The following NRXN1 variants were observed in gnomAD, a reference collection of about 807,000 sequenced individuals.
The protein encoded by NRXN1 is neurexin-1.
Under a neutral mutation model 150.9 loss-of-function variants are expected in NRXN1, and 39 were observed. That is an observed-to-expected ratio of 0.26 (90% confidence interval 0.20 to 0.34). NRXN1 has a LOEUF of 0.34. Among genes scored for constraint, NRXN1 ranks in the 10% least tolerant of loss-of-function variants. The pLI is 1.00. For missense variants in NRXN1, 1,815 were observed against 1,949.9 expected (o/e 0.93, Z 1.30); for synonymous variants, 924 against 757.0 (o/e 1.22, Z -3.62).
At chr2:50,967,145 T>A (rs1694236598) in intron 2 of NRXN1, among the ~76,000 whole-genome samples, 1 of 151,946 alleles carries the variant, frequency 6.6e-6, no homozygotes, top group African/African-American at 2.4e-5. Flanking sequence ...TCCATTTTAA[T>A]CCCACAATAG....
intron 18 of NRXN1, among the ~76,000 whole-genome samples, chr2:50,233,323 T>A (rs1251010746): frequency 6.6e-6 from 1 of 152,002 alleles, no homozygotes; most frequent in African/African-American, 2.4e-5. Flanking sequence ...AATCCATCTA[T>A]CAAAACTGGG....
intron 5 of NRXN1, among the ~76,000 whole-genome samples, chr2:50,783,839 A>G (rs974862481): frequency 6.6e-6 from 1 of 152,102 alleles, no homozygotes; most frequent in African/African-American, 2.4e-5. Flanking sequence ...GAATTATAGG[A>G]GTAATGTAAC....
chr2:49,996,321 G>C (rs185013917), intron 21 of NRXN1, among the ~76,000 whole-genome samples: 28 of 152,286 alleles, frequency 1.8e-4, no homozygotes, highest in African/African-American at 6.0e-4. Context: ...CTTTGAAAGG[G>C]ATGGGATAAG....
At chr2:50,935,810 T>C (rs546482797) in intron 2 of NRXN1, among the ~76,000 whole-genome samples, 34 of 152,128 alleles carry the variant, frequency 2.2e-4, no homozygotes, top group South Asian at 4.2e-4. Context: ...GATGAAATGA[T>C]GAAATAAAAA....
At chr2:50,727,455 C>CAT (rs946578906) in intron 5 of NRXN1, among the ~76,000 whole-genome samples, 1 of 49,172 alleles carries the variant, frequency 2.0e-5, no homozygotes, top group African/African-American at 2.0e-4. Context: ...TACACACACA[C>CAT]ACACCTACAC....
chr2:50,557,770 A>C (rs1379646235), intron 8 of NRXN1, among the ~76,000 whole-genome samples: 1 of 152,224 alleles, frequency 6.6e-6, no homozygotes, highest in Non-Finnish European at 1.5e-5. Context: ...ATGGAGCTAC[A>C]CAATTTAATT....
chr2:50,130,274 C>A (rs1705275978), intron 18 of NRXN1, among the ~76,000 whole-genome samples: 1 of 152,050 alleles, frequency 6.6e-6, no homozygotes, highest in South Asian at 2.1e-4. Flanking sequence ...TTCTCTTGAT[C>A]CACTCCAAAA....
intron 8 of NRXN1, chr2:50,619,749 G>T: frequency 2.4e-6 from 1 of 412,098 alleles, no homozygotes. Context: ...ATCTCTTTTT[G>T]TTTGACTTTC....
intron 8 of NRXN1, among the ~76,000 whole-genome samples, chr2:50,617,571 T>C (rs1212745497): frequency 3.3e-5 from 5 of 152,192 alleles, no homozygotes; most frequent in Non-Finnish European, 7.3e-5. Context: ...GTGACCGTGC[T>C]TCCTCAGACA....
intron 5 of NRXN1, among the ~76,000 whole-genome samples, chr2:50,724,679 ACTAT>A (rs1339950902): frequency 2.0e-5 from 3 of 152,160 alleles, no homozygotes; most frequent in Admixed American, 1.3e-4. Context: ...AGAAACCAAA[ACTAT>A]CTAGACAGCT....
chr2:50,403,918 T>A (rs2082566588), intron 17 of NRXN1, among the ~76,000 whole-genome samples: 1 of 152,104 alleles, frequency 6.6e-6, no homozygotes, highest in Non-Finnish European at 1.5e-5. Context: ...GTTAATGCCC[T>A]CTGAACATAA....
intron 5 of NRXN1, among the ~76,000 whole-genome samples, chr2:50,893,027 G>T (rs1681326686): frequency 6.6e-6 from 1 of 152,124 alleles, no homozygotes; most frequent in Non-Finnish European, 1.5e-5. Flanking sequence ...CCTCTGATGG[G>T]CAGTCTTCAC....
intron 22 of NRXN1, among the ~76,000 whole-genome samples, chr2:49,922,913 T>G (rs1277379231): frequency 1.3e-5 from 2 of 152,154 alleles, no homozygotes; most frequent in Non-Finnish European, 2.9e-5. Flanking sequence ...AAGATGAACT[T>G]TGGAGGAGAA....
intron 18 of NRXN1, among the ~76,000 whole-genome samples, chr2:50,158,560 T>G (rs1040876859): frequency 1.3e-5 from 2 of 152,092 alleles, no homozygotes; most frequent in Non-Finnish European, 2.9e-5. Context: ...TGGTTTTCTT[T>G]GAAATGTCTA....
chr2:50,573,110 C>G (rs763558676), intron 8 of NRXN1, among the ~76,000 whole-genome samples: 4 of 152,056 alleles, frequency 2.6e-5, no homozygotes, highest in Non-Finnish European at 5.9e-5. Flanking sequence ...TGGCTCATAC[C>G]TGTAATCCTA....
intron 17 of NRXN1, among the ~76,000 whole-genome samples, chr2:50,385,170 C>A (rs1254143545): frequency 6.6e-6 from 1 of 152,218 alleles, no homozygotes; most frequent in East Asian, 1.9e-4. Context: ...TTTCCCCCAA[C>A]TTTCCCATTT....
chr2:50,073,706 A>T (rs1696634393), intron 19 of NRXN1, among the ~76,000 whole-genome samples: 1 of 152,152 alleles, frequency 6.6e-6, no homozygotes, highest in African/African-American at 2.4e-5. Flanking sequence ...ATTTGTAGAG[A>T]TAGTCAACAA....
chr2:50,729,912 G>A (rs558627487), intron 5 of NRXN1, among the ~76,000 whole-genome samples: 2 of 152,288 alleles, frequency 1.3e-5, no homozygotes, highest in African/African-American at 4.8e-5. Context: ...CTTTTCGCAT[G>A]ACAGAGATGC....
chr2:50,352,775 A>T (rs71407592), intron 17 of NRXN1, among the ~76,000 whole-genome samples: 42 of 90,316 alleles, frequency 4.7e-4, no homozygotes, highest in South Asian at 1.7e-3. Context: ...AATAATAATA[A>T]TATTATAATA....
Sources: allele counts gnomAD v4.1 joint callset (sites outside exome capture counted in the v4.1 genomes callset), GRCh38; gene constraint gnomAD v4.1.1; transcripts MANE v1.5; gene names NCBI Gene and HGNC (gene_info 2026-07-23, HGNC 2026-07-21).